The following GIGYF1 variants were observed in gnomAD, a reference collection of about 807,000 sequenced individuals.
GIGYF1 encodes GRB10 interacting GYF protein 1.
Under a neutral mutation model 147.1 loss-of-function variants are expected in GIGYF1, and 84 were observed. The ratio of observed to expected loss-of-function variants is 0.57; its 90% CI spans 0.48 to 0.68. The LOEUF is 0.68. GIGYF1 is among the 30% of genes least tolerant of loss of function. GIGYF1 has a pLI of 0.00. For synonymous variants in GIGYF1, 752 were observed against 589.5 expected (o/e 1.28, Z -3.99); for missense variants, 1,485 against 1,393.7 (o/e 1.07, Z -1.04).
intron 1 of GIGYF1, chr7:100,693,827 C>T (rs879781475): frequency 1.3e-5 from 2 of 151,626 alleles, no homozygotes; most frequent in Non-Finnish European, 2.9e-5. Flanking sequence ...AGCGGTCGCC[C>T]CCTAAGCCGG....
chr7:100,688,037 C>A lies in GIGYF1; in HGVS notation c.109G>T (p.Ala37Ser). 6.2e-7 allele frequency: 1 copy of A among 1,613,606 alleles called. No homozygotes were observed. Among genetic ancestry groups the A allele is most frequent in the Non-Finnish European group, 8.5e-7 (1 of 1,179,762 alleles). The change falls in exon 5 of 27, where the codon GCT becomes TCT. Residue 37 changes from alanine to serine, a missense_variant. Transcript: ENST00000678049. Reference sequence around the variant, plus strand: ...TCCTCTCGCCCATAACGGTAGTCAGCCAGCTTGTATTTGGGCATGGCAGGG... The same window carrying A: ...TCCTCTCGCCCATAACGGTAGTCAGACAGCTTGTATTTGGGCATGGCAGGG... ...PSPAMPKYKL[A>S]DYRYGREEML...
In GIGYF1 at chr7:100,691,787, T is replaced by A. The variant is rs530244119; in HGVS notation, c.-1098-2232A>T. ...TTCTCTTTCTCGGGCCTGTCTACCC[T>A]CACTCCCCCAGCATCTGAATCAATG... On this transcript the variant is annotated intron_variant, in intron 1 of 26. Transcript: ENST00000678049. Among the ~76,000 whole-genome samples, 345 of 151,890 alleles carry A rather than the reference T, an allele frequency of 2.3e-3. 1 individual carries two copies. The Middle Eastern group carries it at 0.027, about 12-fold the overall frequency.
At chr7:100,685,909 C>A in intron 12 of GIGYF1, 65 bp downstream of exon 12, 1 of 1,390,142 alleles carries the variant, frequency 7.2e-7, no homozygotes, top group South Asian at 1.2e-5. Flanking sequence ...CAATGCCCAG[C>A]CCGGCAAAGA....
chr7:100,692,777 G>A (rs1178370192), intron 1 of GIGYF1, among the ~76,000 whole-genome samples: 1 of 152,180 alleles, frequency 6.6e-6, no homozygotes, highest in East Asian at 1.9e-4. Context: ...CCAAGGCCAG[G>A]TCTACCCTCA....
At chr7:100,687,911 A>G (rs755371018) in intron 5 of GIGYF1, 28 bp from the exon 6 acceptor site, 3 of 1,613,074 alleles carry the variant, frequency 1.9e-6, no homozygotes, top group Non-Finnish European at 2.5e-6. Flanking sequence ...CAGCCAAGAC[A>G]CCACATGCTG....
rs1427013935 is a variant in GIGYF1 at position 100,682,904 on chromosome 7, AGAGGCT to A, written c.2412+102_2412+107del. On this transcript the variant is annotated intron_variant, in intron 22 of 26. Transcript: ENST00000678049. ...CCACAAGAGCTGTTGCCATCACAGG[AGAGGCT>A]GGGACTGGGGCTGGGGCTGCACAAG... is the stretch of plus-strand genomic sequence containing the variant. 8 of 1,272,146 alleles carry A rather than the reference AGAGGCT, an allele frequency of 6.3e-6. No individual in the cohort carries two copies. The African/African-American group carries it at 1.0e-4, about 17-fold the overall frequency. The allele number at this position is 1,272,146 out of a possible 1,614,324, so 78.8% of individuals were successfully genotyped here. A position where few individuals can be genotyped will look rare whatever the true frequency, so the allele number is the denominator to read the frequency against.
intron 7 of GIGYF1, 26 bp downstream of exon 7, chr7:100,687,479 C>G: frequency 3.7e-6 from 6 of 1,606,750 alleles, no homozygotes; most frequent in Non-Finnish European, 5.1e-6. Flanking sequence ...TCTGCCCGTC[C>G]CCAGGACACG....
intron 12 of GIGYF1, among the ~76,000 whole-genome samples, 174 bp from the exon 13 acceptor site, chr7:100,685,655 C>A (rs1252769476): frequency 6.6e-6 from 1 of 152,208 alleles, no homozygotes; most frequent in Non-Finnish European, 1.5e-5. Context: ...CTGACCCTCG[C>A]CTCCACGCTG....
rs1805124018 is a variant in GIGYF1 at position 100,684,476 on chromosome 7, G to A, written c.1603C>T (p.Pro535Ser). The A allele has an allele frequency of 1.9e-6, 3 of 1,613,322 alleles. No homozygotes were observed. Among genetic ancestry groups the A allele is most frequent in the Non-Finnish European group, 2.5e-6 (3 of 1,180,008 alleles). Residue 535 changes from proline (P) to serine (S), a missense_variant, in exon 16 of 27, where the codon CCA (proline) becomes TCA (serine). By Grantham distance (74) the Pro-to-Ser change is moderately conservative (BLOSUM62 -1). Transcript: ENST00000678049. ...AGCAGTGGGGGAGGTGAGGGCCCTG[G>A]GGCAAAGGGCACGCGGCCCCACATC... ...IKMWGRVPFA[P>S]GPSPPPLLGN...
chr7:100,691,983 A>C (rs1805867402), intron 1 of GIGYF1, among the ~76,000 whole-genome samples: 1 of 152,226 alleles, frequency 6.6e-6, no homozygotes. Flanking sequence ...TCAGCTAAGA[A>C]CATTATCTCC....
Position 100,680,211 on chromosome 7 carries a change from C to T in GIGYF1, c.*1508G>A, listed in dbSNP as rs1804600655. 1 of 135,700 alleles carries T rather than the reference C, an allele frequency of 7.4e-6. No homozygotes were observed. Among genetic ancestry groups the T allele is most frequent in the Admixed American group, 7.4e-5 (1 of 13,500 alleles). The allele number at this position is 135,700 out of a possible 1,614,324, so 8.4% of individuals were successfully genotyped here. A position where few individuals can be genotyped will look rare whatever the true frequency, so the allele number is the denominator to read the frequency against. On this transcript the variant is annotated 3_prime_UTR_variant, in exon 27 of 27. Coordinates refer to ENST00000678049, the MANE Select transcript of GIGYF1 (RefSeq NM_001375765.1). ...AAAAATCCAACAACAGAAAACCAAA[C>T]ACCATCTTTCTGGGACTAGATGGGG...
chr7:100,690,451 C>A (rs1247788174), intron 1 of GIGYF1, among the ~76,000 whole-genome samples: 3 of 152,146 alleles, frequency 2.0e-5, no homozygotes, highest in Admixed American at 6.5e-5. Context: ...CAGAACAAGA[C>A]CACGACTCTA....
intron 12 of GIGYF1, among the ~76,000 whole-genome samples, chr7:100,685,751 G>C (rs892796590): frequency 2.4e-4 from 36 of 152,116 alleles, no homozygotes; most frequent in African/African-American, 8.5e-4. Flanking sequence ...CTTCTTCAAG[G>C]GACTTTCAAA....
rs1295252522 is a variant in GIGYF1 at position 100,683,647 on chromosome 7, G to GGGGCAGAGGCGGCTGCAGGT, written c.1970-35_1970-16dup. 26 of 1,612,658 alleles carry GGGGCAGAGGCGGCTGCAGGT rather than the reference G, an allele frequency of 1.6e-5. No individual in the cohort carries two copies. The highest frequency in any genetic ancestry group is 2.2e-5 in the Non-Finnish European group (26 of 1,178,710). ...GGCCTCACCACCTGCAGGGGGCAGG[G>GGGGCAGAGGCGGCTGCAGGT]GGGCAGAGGCGGCTGCAGGTGGGCA... On this transcript the variant is annotated splice_polypyrimidine_tract_variant and intron_variant, in intron 19 of 26. Transcript: ENST00000678049.
rs748409784 is a variant in GIGYF1, at chr7:100,683,974, A to T, written c.1868+46T>A. ...CCAAATCCATCTCTGGTCTGCCCCC[A>T]TCCCCCCCCCACCCTGTATCCTGAG... On this transcript the variant is annotated intron_variant, in intron 18 of 26. Coordinates refer to ENST00000678049, the MANE Select transcript of GIGYF1 (RefSeq NM_001375765.1). 9.6e-6 allele frequency: 7 copies of T among 725,440 alleles called. No individual in the cohort carries two copies. In the East Asian group the frequency reaches 2.9e-4, roughly 30 times the overall value. The allele number at this position is 725,440 out of a possible 1,614,324, so 44.9% of individuals were successfully genotyped here.
chr7:100,681,854 C>T lies in GIGYF1; in HGVS notation c.3055+10G>A. The T allele has an allele frequency of 1.2e-6, 2 of 1,612,112 alleles. No homozygotes were observed. Among genetic ancestry groups the T allele is most frequent in the Non-Finnish European group, 1.7e-6 (2 of 1,179,352 alleles). ...CAAGGAAGTCCCGCTCCTGCCCCAGCCCAGCTCACCCAGGATGCTGGGGTC... is the reference window on the plus strand; with the variant it reads ...CAAGGAAGTCCCGCTCCTGCCCCAGTCCAGCTCACCCAGGATGCTGGGGTC... On this transcript the variant is annotated intron_variant, in intron 26 of 26. Coordinates refer to ENST00000678049, the MANE Select transcript of GIGYF1 (RefSeq NM_001375765.1).
chr7:100,686,954 C>T, intron 9 of GIGYF1, 52 bp downstream of exon 9: 4 of 1,609,026 alleles, frequency 2.5e-6, no homozygotes, highest in South Asian at 2.2e-5. Context: ...GACTGGGCCA[C>T]CCATCTTGGT....
chr7:100,687,202 C>A lies in GIGYF1; in HGVS notation c.482+96G>T. 2.1e-6 allele frequency: 3 copies of A among 1,455,872 alleles called. No homozygotes were observed. The South Asian group carries it at 3.5e-5, about 17-fold the overall frequency. The allele number at this position is 1,455,872 out of a possible 1,614,324, so 90.2% of individuals were successfully genotyped here. Reference sequence around the variant, plus strand: ...AGGAGCACCGGGATCTCGGACAGGGCTTATCTGGTGGGCCTCTGTTACCCT... The same window carrying A: ...AGGAGCACCGGGATCTCGGACAGGGATTATCTGGTGGGCCTCTGTTACCCT... On this transcript the variant is annotated intron_variant, in intron 8 of 26. Coordinates refer to ENST00000678049, the MANE Select transcript of GIGYF1 (RefSeq NM_001375765.1).
In GIGYF1 at chr7:100,684,161, C is replaced by T. The variant is rs1292843669; in HGVS notation, c.1731-4G>A. 1 of 1,608,980 alleles carries T rather than the reference C, an allele frequency of 6.2e-7. No homozygotes were observed. Among genetic ancestry groups the T allele is most frequent in the South Asian group, 1.1e-5 (1 of 90,994 alleles). ...CGCGCACTGTGGGAGCTGGCGGCTG[C>T]AAATGGGACAGTGGAGATGGTGGGC... On this transcript the variant is annotated splice_polypyrimidine_tract_variant and splice_region_variant and intron_variant, in intron 17 of 26. Transcript: ENST00000678049.
Sources: allele counts gnomAD v4.1 joint callset (sites outside exome capture counted in the v4.1 genomes callset), GRCh38; gene constraint gnomAD v4.1.1; transcripts MANE v1.5; gene names NCBI Gene and HGNC (gene_info 2026-07-23, HGNC 2026-07-21).